CECR2: variants seen among roughly 807,000 people sequenced by gnomAD.
CECR2 encodes the protein CECR2 histone acetyl-lysine reader.
Under a neutral mutation model 154.5 loss-of-function variants are expected in CECR2, and 30 were observed. That is an observed-to-expected ratio of 0.19 (90% confidence interval 0.15 to 0.26). CECR2 has a LOEUF of 0.26. Ranked by LOEUF, CECR2 falls within the 10% of genes least tolerant of loss-of-function variation. CECR2 has a pLI of 1.00. For missense variants in CECR2, 1,743 were observed against 1,829.3 expected (o/e 0.95, Z 0.86); for synonymous variants, 725 against 683.7 (o/e 1.06, Z -0.94).
chr22:17,519,383 C>A (rs2056117433), intron 8 of CECR2, among the ~76,000 whole-genome samples: 1 of 151,736 alleles, frequency 6.6e-6, no homozygotes, highest in Non-Finnish European at 1.5e-5. Context: ...CCTCTGCCTC[C>A]CGAGTAGCTG....
At chr22:17,463,189 G>T (rs2054970968) in intron 1 of CECR2, among the ~76,000 whole-genome samples, 1 of 152,214 alleles carries the variant, frequency 6.6e-6, no homozygotes, top group Non-Finnish European at 1.5e-5. Flanking sequence ...TGAGGAGCAG[G>T]TAAGAGGCCA....
chr22:17,457,982 G>A (rs959397523), intron 1 of CECR2, among the ~76,000 whole-genome samples: 1 of 152,160 alleles, frequency 6.6e-6, no homozygotes, highest in Non-Finnish European at 1.5e-5. Context: ...GAACAGATTA[G>A]TGGTTGCCAA....
intron 1 of CECR2, among the ~76,000 whole-genome samples, chr22:17,436,496 C>T (rs949155541): frequency 2.0e-5 from 3 of 152,224 alleles, no homozygotes; most frequent in Non-Finnish European, 4.4e-5. Flanking sequence ...TCATCAGATG[C>T]TTAAGCTGCC....
At chr22:17,544,533 A>G (rs1363290007) in intron 16 of CECR2, among the ~76,000 whole-genome samples, 2 of 147,648 alleles carry the variant, frequency 1.4e-5, no homozygotes, top group East Asian at 4.0e-4. Flanking sequence ...AAAATTAGCC[A>G]GGCGTGGTGG....
chr22:17,387,948 T>G (rs188235883), intron 1 of CECR2, among the ~76,000 whole-genome samples: 50 of 152,180 alleles, frequency 3.3e-4, no homozygotes, highest in African/African-American at 8.7e-4. Flanking sequence ...TGAGTTTTTT[T>G]TTTGTTTGTT....
In CECR2 at chr22:17,482,778, T is replaced by A. The variant is rs1443048728; in HGVS notation, c.221+5096T>A. ...TTGAACTCCTTTTTTTTTTTTTTTT[T>A]TGAGACGGTGTCCTGCCTCAGCCTC... On this transcript the variant is annotated intron_variant, in intron 2 of 18. Transcript: ENST00000262608. Among the ~76,000 whole-genome samples, 5 of 143,132 alleles carry A rather than the reference T, an allele frequency of 3.5e-5. 1 individual carries two copies. Among genetic ancestry groups the A allele is most frequent in the African/African-American group, 5.2e-5 (2 of 38,636 alleles). The allele number at this position is 143,132 out of a possible 152,430, so 93.9% of individuals were successfully genotyped here.
intron 2 of CECR2, among the ~76,000 whole-genome samples, chr22:17,481,071 C>T (rs1353385867): frequency 3.5e-5 from 4 of 112,776 alleles, no homozygotes; most frequent in East Asian, 4.0e-4. Context: ...AGGCCGGGCA[C>T]GGTGCCTCAC....
intron 8 of CECR2, among the ~76,000 whole-genome samples, chr22:17,517,522 A>G (rs147341094): frequency 3.0e-4 from 46 of 152,344 alleles, no homozygotes; most frequent in African/African-American, 9.9e-4. Context: ...AATAAATGCA[A>G]AGGCATTACA....
At chr22:17,504,381 A>C (rs1257924707) in intron 6 of CECR2, among the ~76,000 whole-genome samples, 2 of 151,912 alleles carry the variant, frequency 1.3e-5, no homozygotes, top group Non-Finnish European at 2.9e-5. Context: ...TCTCAAAAAA[A>C]ATAAAATTAA....
chr22:17,371,011 C>G (rs952015067), intron 1 of CECR2, among the ~76,000 whole-genome samples: 1 of 152,172 alleles, frequency 6.6e-6, no homozygotes, highest in Admixed American at 6.6e-5. Context: ...TAGAGCCACT[C>G]TTTTGGAAGA....
At chr22:17,388,976 A>C (rs771351995) in intron 1 of CECR2, among the ~76,000 whole-genome samples, 26 of 151,866 alleles carry the variant, frequency 1.7e-4, no homozygotes, top group Non-Finnish European at 3.1e-4. Context: ...CCATGCCCGG[A>C]TAACTTTTGT....
chr22:17,500,149 T>TG (rs1555919595), intron 4 of CECR2, among the ~76,000 whole-genome samples: 2 of 150,424 alleles, frequency 1.3e-5, no homozygotes, highest in Non-Finnish European at 2.9e-5. Context: ...AGGCTGATCT[T>TG]GCAGTGAGCC....
At chr22:17,543,084 A>G in intron 16 of CECR2, 81 bp downstream of exon 16, 3 of 1,390,780 alleles carry the variant, frequency 2.2e-6, no homozygotes, top group Non-Finnish European at 2.9e-6. Context: ...AACCAAGTGT[A>G]ATCTGGTTCC....
chr22:17,459,287 C>T (rs1212996789), intron 1 of CECR2, among the ~76,000 whole-genome samples: 1 of 152,122 alleles, frequency 6.6e-6, no homozygotes, highest in African/African-American at 2.4e-5. Flanking sequence ...TTTCTTTCTT[C>T]CTCTTTTCCT....
intron 16 of CECR2, among the ~76,000 whole-genome samples, chr22:17,545,343 C>A (rs565728566): frequency 1.5e-5 from 2 of 132,230 alleles, no homozygotes; most frequent in Admixed American, 9.0e-5. Flanking sequence ...CCACTGCACT[C>A]CAGCCTGGGC....
chr22:17,362,672 CA>C (rs2062982828), intron 1 of CECR2, among the ~76,000 whole-genome samples: 1 of 151,770 alleles, frequency 6.6e-6, no homozygotes, highest in Admixed American at 6.6e-5. Flanking sequence ...GGGAGGCCAA[CA>C]GGGGTGGATC....
intron 1 of CECR2, among the ~76,000 whole-genome samples, chr22:17,466,557 G>A (rs1428059236): frequency 6.6e-6 from 1 of 150,904 alleles, no homozygotes; most frequent in East Asian, 1.9e-4. Flanking sequence ...CCTGGTATCT[G>A]TCCCCAAGAT....
chr22:17,496,312 A>G (rs1355935261), intron 2 of CECR2, among the ~76,000 whole-genome samples: 2 of 152,120 alleles, frequency 1.3e-5, no homozygotes, highest in African/African-American at 4.8e-5. Flanking sequence ...CCTGGTTAAC[A>G]CAGTGAAACC....
At chr22:17,543,093 C>G (rs2056557054) in intron 16 of CECR2, 90 bp downstream of exon 16, 1 of 1,326,874 alleles carries the variant, frequency 7.5e-7, no homozygotes, top group Admixed American at 2.8e-5. Context: ...TAATCTGGTT[C>G]CCAGCCTCTC....
Sources: gnomAD v4.1 joint callset for allele counts (sites outside exome capture counted in the v4.1 genomes callset) on GRCh38, gnomAD v4.1.1 for gene constraint, MANE v1.5 for transcripts, NCBI Gene and HGNC (gene_info 2026-07-23, HGNC 2026-07-21) for gene names.